The following DOCK3 variants were observed in gnomAD, a reference collection of about 807,000 sequenced individuals.
The protein encoded by DOCK3 is dedicator of cytokinesis 3.
Under a neutral mutation model 265.6 loss-of-function variants are expected in DOCK3, and 60 were observed. That is an observed-to-expected ratio of 0.23 (90% CI 0.18 to 0.28). The LOEUF is 0.28. Among genes scored for constraint, DOCK3 ranks in the 10% least tolerant of loss-of-function variants. The pLI is 1.00. For missense variants in DOCK3, 1,981 were observed against 2,594.3 expected (o/e 0.76, Z 5.14); for synonymous variants, 881 against 938.0 (o/e 0.94, Z 1.11).
At chr3:51,116,870 G>C (rs1056765011) in intron 9 of DOCK3, among the ~76,000 whole-genome samples, 1 of 152,162 alleles carries the variant, frequency 6.6e-6, no homozygotes, top group Non-Finnish European at 1.5e-5. Flanking sequence ...GGGCTGAGAC[G>C]ATGAGATTTT....
At chr3:51,074,813 G>C (rs1045659799) in intron 6 of DOCK3, among the ~76,000 whole-genome samples, 1 of 151,818 alleles carries the variant, frequency 6.6e-6, no homozygotes, top group Admixed American at 6.6e-5. Flanking sequence ...CACATCCTGC[G>C]TAACAAACCT....
chr3:50,735,726 A>G (rs973617050), intron 1 of DOCK3, among the ~76,000 whole-genome samples: 3 of 152,140 alleles, frequency 2.0e-5, no homozygotes, highest in Non-Finnish European at 2.9e-5. Flanking sequence ...AACTCTTATT[A>G]TATTAGCCTG....
chr3:51,199,319 C>T (rs530889476), intron 12 of DOCK3, among the ~76,000 whole-genome samples: 33 of 152,278 alleles, frequency 2.2e-4, no homozygotes, highest in Non-Finnish European at 4.4e-4. Flanking sequence ...CCTGGAAAAT[C>T]GGGTCACTCC....
Position 51,295,250 on chromosome 3 carries a change from C to T in DOCK3, c.2923-14982C>T, listed in dbSNP as rs9826823. 3.0e-3 allele frequency among the ~76,000 whole-genome samples: 454 copies of T among 152,320 alleles called. 3 individuals carry two copies. Among genetic ancestry groups the T allele is most frequent in the African/African-American group, 0.01 (433 of 41,576 alleles). ...TCTGGCGAAGGCCTCAGGCTGCTTC[C>T]ACTCATGGCAGAAGGTGAAGGAGAG... is the stretch of plus-strand genomic sequence containing the variant. On this transcript the variant is annotated intron_variant, in intron 27 of 52. Coordinates refer to ENST00000266037, the MANE Select transcript of DOCK3 (RefSeq NM_004947.5).
intron 5 of DOCK3, among the ~76,000 whole-genome samples, chr3:50,958,501 G>T (rs1023318175): frequency 6.6e-6 from 1 of 152,032 alleles, no homozygotes; most frequent in Non-Finnish European, 1.5e-5. Context: ...CTCTTGCAAG[G>T]ATCAACTACG....
chr3:51,086,605 C>G (rs558356353), intron 7 of DOCK3, among the ~76,000 whole-genome samples: 1 of 152,352 alleles, frequency 6.6e-6, no homozygotes, highest in East Asian at 1.9e-4. Flanking sequence ...CAAGACCAGA[C>G]TGGCCAACAT....
chr3:50,975,203 A>G (rs1239136502), intron 5 of DOCK3, among the ~76,000 whole-genome samples: 2 of 147,638 alleles, frequency 1.4e-5, no homozygotes, highest in Non-Finnish European at 3.0e-5. Flanking sequence ...GAGAGAGGGC[A>G]TCCCTGTCTT....
At chr3:51,006,441 A>C (rs1207480491) in intron 5 of DOCK3, among the ~76,000 whole-genome samples, 2 of 152,172 alleles carry the variant, frequency 1.3e-5, no homozygotes, top group Non-Finnish European at 2.9e-5. Flanking sequence ...ACTTCAAATC[A>C]AAATACTTTA....
At chr3:51,233,204 T>G (rs2078199073) in intron 19 of DOCK3, among the ~76,000 whole-genome samples, 1 of 152,226 alleles carries the variant, frequency 6.6e-6, no homozygotes, top group African/African-American at 2.4e-5. Context: ...ATCTATAGAT[T>G]GCTTTGGGCA....
rs563661615 is a variant in DOCK3 at position 50,890,065 on chromosome 3, A to G, written c.202A>G (p.Ile68Val). 5 of 1,430,302 alleles carry G rather than the reference A, an allele frequency of 3.5e-6. No individual in the cohort carries two copies. Among genetic ancestry groups the G allele is most frequent in the Admixed American group, 3.1e-5 (1 of 32,150 alleles). The allele number at this position is 1,430,302 out of a possible 1,614,324, so 88.6% of individuals were successfully genotyped here. A position where few individuals can be genotyped will look rare whatever the true frequency, so the allele number is the denominator to read the frequency against. The change falls in exon 4 of 53, where the codon ATT (isoleucine) becomes GTT (valine). Residue 68 changes from isoleucine (I) to valine (V), a missense_variant. Physicochemically the swap from Ile to Val is conservative, Grantham distance 29 (BLOSUM62 3). Around this residue, in one of 4 missense-constraint regions of DOCK3, gnomAD observed 456 missense variants for 539.0 expected, o/e 0.85. Transcript: ENST00000266037. ...AAATTACATTCACTTGAAAAAGGCA[A>G]TTGTCAGTAATAGGGGGTGAGTAAT... is the stretch of plus-strand genomic sequence containing the variant. ...PANYIHLKKA[I>V]VSNRGQYETV... is the part of the protein sequence containing the mutation.
intron 27 of DOCK3, among the ~76,000 whole-genome samples, chr3:51,309,696 T>C (rs1187574878): frequency 6.6e-6 from 1 of 152,202 alleles, no homozygotes; most frequent in Non-Finnish European, 1.5e-5. Context: ...CATCCATTTT[T>C]CTTGAGTAAA....
chr3:51,024,594 C>G (rs944908191), intron 5 of DOCK3, among the ~76,000 whole-genome samples: 1 of 152,166 alleles, frequency 6.6e-6, no homozygotes, highest in Non-Finnish European at 1.5e-5. Context: ...TTACTGTTTT[C>G]CCAGTGTTCT....
At chr3:50,906,261 G>T (rs2049491843) in intron 4 of DOCK3, among the ~76,000 whole-genome samples, 1 of 152,020 alleles carries the variant, frequency 6.6e-6, no homozygotes, top group Admixed American at 6.6e-5. Context: ...TTGGTATCAG[G>T]ATGATGCTGG....
chr3:50,675,414 C>G lies in DOCK3; in HGVS notation c.37+114C>G. On this transcript the variant is annotated intron_variant, in intron 1 of 52. Coordinates refer to ENST00000266037, the MANE Select transcript of DOCK3 (RefSeq NM_004947.5). This position sits in a 1 kb window ranked among gnomAD's most constrained non-coding sequence, Gnocchi z 6.1. ...CGCCACTGCCCGCAGGCTGCGCGGC[C>G]TCGGCGCGGGGCGAGCGCGGGGTGG... The G allele has an allele frequency of 1.0e-6, 1 of 999,984 alleles. No individual in the cohort carries two copies. Among genetic ancestry groups the G allele is most frequent in the African/African-American group, 1.7e-5 (1 of 57,566 alleles). The allele number at this position is 999,984 out of a possible 1,614,324, so 61.9% of individuals were successfully genotyped here.
chr3:50,987,746 G>A (rs1401930731), intron 5 of DOCK3, among the ~76,000 whole-genome samples: 3 of 152,144 alleles, frequency 2.0e-5, no homozygotes, highest in Non-Finnish European at 2.9e-5. Flanking sequence ...GTAACCAGGG[G>A]AACCTCTCCG....
intron 12 of DOCK3, among the ~76,000 whole-genome samples, chr3:51,190,253 G>A (rs1054232439): frequency 2.1e-4 from 32 of 152,148 alleles, no homozygotes; most frequent in African/African-American, 2.4e-5. Flanking sequence ...TGCTCTCTGG[G>A]TCTAGCTGCC....
intron 5 of DOCK3, among the ~76,000 whole-genome samples, chr3:51,010,542 C>G (rs760052927): frequency 9.9e-5 from 15 of 152,146 alleles, no homozygotes; most frequent in Non-Finnish European, 2.1e-4. Context: ...CTCCTGAATA[C>G]AGCACACTGT....
chr3:51,221,980 A>G (rs1049843048), intron 14 of DOCK3, among the ~76,000 whole-genome samples: 13 of 152,140 alleles, frequency 8.5e-5, no homozygotes, highest in Non-Finnish European at 1.3e-4. Flanking sequence ...CTGGTTTCCT[A>G]GTGTTAAATA....
intron 5 of DOCK3, among the ~76,000 whole-genome samples, chr3:50,996,227 T>G (rs566551416): frequency 6.6e-6 from 1 of 150,464 alleles, no homozygotes; most frequent in South Asian, 2.1e-4. Flanking sequence ...TCTTAACTTT[T>G]TTTTTTTTTT....
Sources: allele counts gnomAD v4.1 joint callset (sites outside exome capture counted in the v4.1 genomes callset), GRCh38; gene constraint gnomAD v4.1.1; regional missense constraint gnomAD v4.1.1; non-coding constraint Gnocchi (gnomAD v3.1); transcripts MANE v1.5; gene names NCBI Gene and HGNC (gene_info 2026-07-23, HGNC 2026-07-21).